Variants in SPATA13 observed in about 807,000 individuals in gnomAD.
The protein encoded by SPATA13 is spermatogenesis-associated protein 13.
In SPATA13, 50 loss-of-function variants were observed where a neutral mutation model predicts 104.0. The observed-to-expected ratio is 0.48, with a 90% CI of 0.38 to 0.61. The LOEUF (loss-of-function observed/expected upper bound fraction) is 0.61. Ranked by LOEUF, SPATA13 falls within the 20% of genes least tolerant of loss-of-function variation. The pLI is 0.00. For synonymous variants in SPATA13, 606 were observed against 667.5 expected, an observed-to-expected ratio of 0.91 and a Z score of 1.42; for missense variants, 1,524 against 1,690.6, an observed-to-expected ratio of 0.90 and a Z score of 1.73.
intron 5 of SPATA13, among the ~76,000 whole-genome samples, chr13:24,285,008 CT>C (rs893940226): frequency 1.2e-4 from 18 of 151,046 alleles, no homozygotes; most frequent in African/African-American, 4.4e-4. Context: ...GCAGCTTTAG[CT>C]TTTTTTTTAG....
At chr13:24,277,056 A>G (rs1024731630) in intron 4 of SPATA13, among the ~76,000 whole-genome samples, 1 of 152,242 alleles carries the variant, frequency 6.6e-6, no homozygotes, top group Non-Finnish European at 1.5e-5. Flanking sequence ...GTGGAGTCAG[A>G]TTACAGAGAA....
At chr13:24,029,173 C>T (rs1442511732) in intron 3 of SPATA13, among the ~76,000 whole-genome samples, 1 of 152,190 alleles carries the variant, frequency 6.6e-6, no homozygotes, top group African/African-American at 2.4e-5. Flanking sequence ...ATCCTGTCAC[C>T]TAGCCTCCCA....
intron 1 of SPATA13, among the ~76,000 whole-genome samples, chr13:24,220,020 G>A (rs990303808): frequency 3.9e-5 from 6 of 152,160 alleles, no homozygotes; most frequent in Non-Finnish European, 4.4e-5. Context: ...TGTACTGTGT[G>A]TCGTTGACTG....
intron 1 of SPATA13, among the ~76,000 whole-genome samples, chr13:24,177,253 A>T (rs1868490725): frequency 6.6e-6 from 1 of 152,212 alleles, no homozygotes; most frequent in Non-Finnish European, 1.5e-5. Context: ...ATGTGAAAAA[A>T]AGAGATCAGA....
intron 2 of SPATA13, among the ~76,000 whole-genome samples, chr13:24,015,510 T>C (rs551115448): frequency 6.6e-6 from 1 of 152,352 alleles, no homozygotes; most frequent in Admixed American, 6.5e-5. Context: ...TTAGCAGTAA[T>C]TTAATAAAAA....
rs1877306884 is a variant in SPATA13 at position 24,302,848 on chromosome 13, AG to A, written c.*78del. The A allele has an allele frequency of 6.3e-7, 1 of 1,597,526 alleles. No individual in the cohort carries two copies. The highest frequency in any genetic ancestry group is 8.6e-7 in the Non-Finnish European group (1 of 1,168,818). On this transcript the variant is annotated 3_prime_UTR_variant, in exon 13 of 13. Coordinates refer to ENST00000382108, the MANE Select transcript of SPATA13 (RefSeq NM_001166271.3). Reference sequence around the variant, plus strand: ...CTTTGTTTCTTGTGTGCTTCAATCCAGGGAAAGTTTCTTGGACCCAGTGATA... The same window carrying A: ...CTTTGTTTCTTGTGTGCTTCAATCCAGGAAAGTTTCTTGGACCCAGTGATA...
intron 3 of SPATA13, among the ~76,000 whole-genome samples, chr13:24,111,809 G>T (rs1405427849): frequency 1.3e-5 from 2 of 152,196 alleles, no homozygotes; most frequent in Admixed American, 1.3e-4. Context: ...TTTTAAAATA[G>T]ATTGTTAGAA....
intron 5 of SPATA13, among the ~76,000 whole-genome samples, chr13:24,285,118 G>A (rs149567641): frequency 1.1e-4 from 17 of 152,276 alleles, no homozygotes; most frequent in African/African-American, 3.4e-4. Context: ...GAGATGGCCA[G>A]TGATGTGTAT....
chr13:24,217,216 G>C (rs1871302947), intron 1 of SPATA13, among the ~76,000 whole-genome samples: 1 of 152,230 alleles, frequency 6.6e-6, no homozygotes, highest in Non-Finnish European at 1.5e-5. Context: ...AACATAGCAA[G>C]ATTGAGTCTC....
At chr13:24,284,321 GGGTC>G in intron 5 of SPATA13, 50 bp downstream of exon 5, 2 of 1,575,060 alleles carry the variant, frequency 1.3e-6, no homozygotes, top group Non-Finnish European at 1.7e-6. Context: ...CTGATTTTCA[GGGTC>G]CACAACCACT....
intron 1 of SPATA13, among the ~76,000 whole-genome samples, chr13:24,208,756 G>C (rs1371786204): frequency 6.6e-6 from 1 of 152,176 alleles, no homozygotes; most frequent in Non-Finnish European, 1.5e-5. Context: ...TGGCTGGAAA[G>C]GGATATTGCT....
At chr13:24,004,182 G>A (rs1381562031) in intron 2 of SPATA13, among the ~76,000 whole-genome samples, 1 of 152,110 alleles carries the variant, frequency 6.6e-6, no homozygotes, top group Non-Finnish European at 1.5e-5. Context: ...CATGAACCCC[G>A]AGTTTGTAAA....
intron 3 of SPATA13, chr13:24,123,376 T>G (rs1593344641): frequency 7.7e-7 from 1 of 1,295,178 alleles, no homozygotes; most frequent in East Asian, 2.3e-5. Context: ...CAGCAAGCCC[T>G]TGCTCTCATG....
chr13:24,247,328 A>G (rs1479358143), intron 2 of SPATA13, among the ~76,000 whole-genome samples: 1 of 152,052 alleles, frequency 6.6e-6, no homozygotes, highest in African/African-American at 2.4e-5. Context: ...CACGAAGCCC[A>G]TTGTTTTGTG....
chr13:24,207,878 T>C (rs1048144748), intron 1 of SPATA13, among the ~76,000 whole-genome samples: 24 of 152,310 alleles, frequency 1.6e-4, no homozygotes, highest in African/African-American at 4.8e-4. Flanking sequence ...TCACTTTCTA[T>C]GGTGTGATCT....
At position 24,297,617 on chromosome 13, in the gene SPATA13, C is replaced by G; in HGVS notation, c.3465C>G (p.Leu1155=). Residue 1155 remains leucine, a synonymous_variant, in exon 11 of 13, where the codon CTC becomes CTG. Transcript: ENST00000382108. ...CNLSVKNAFK[L]VSRTTDEVYL... ...TCAGCGTGAAAAATGCCTTCAAGCTCGTCAGTAGGACCACAGACGAGGTTT... is the reference window on the plus strand; with the variant it reads ...TCAGCGTGAAAAATGCCTTCAAGCTGGTCAGTAGGACCACAGACGAGGTTT... 1 of 1,614,150 alleles carries G rather than the reference C, an allele frequency of 6.2e-7. No individual in the cohort carries two copies. The highest frequency in any genetic ancestry group is 8.5e-7 in the Non-Finnish European group (1 of 1,180,028).
chr13:24,275,755 G>A (rs1365985678), intron 4 of SPATA13, among the ~76,000 whole-genome samples: 5 of 152,198 alleles, frequency 3.3e-5, no homozygotes, highest in African/African-American at 4.8e-5. Flanking sequence ...CCAACATGGC[G>A]AAACCCCATC....
At chr13:24,229,669 G>A (rs1872150929) in intron 2 of SPATA13, among the ~76,000 whole-genome samples, 1 of 152,060 alleles carries the variant, frequency 6.6e-6, no homozygotes, top group African/African-American at 2.4e-5. Flanking sequence ...GGATGGAGAA[G>A]TTCTTCAAAC....
chr13:24,291,742 T>TTTTTATTTA (rs1876368274), intron 9 of SPATA13, among the ~76,000 whole-genome samples: 1 of 72,020 alleles, frequency 1.4e-5, no homozygotes, highest in African/African-American at 5.8e-5. Flanking sequence ...CTGTCTTTAT[T>TTTTTATTTA]TTTTTATTTT....
Sources: allele counts gnomAD v4.1 joint callset (sites outside exome capture counted in the v4.1 genomes callset), GRCh38; gene constraint gnomAD v4.1.1; transcripts MANE v1.5; gene names NCBI Gene and HGNC (gene_info 2026-07-23, HGNC 2026-07-21).